The following SCARA5 variants were observed in gnomAD, a reference collection of about 807,000 sequenced individuals.
The protein encoded by SCARA5 is scavenger receptor class A member 5, also known as scavenger receptor class A, member 5 (putative).
Under a neutral mutation model 46.3 loss-of-function variants are expected in SCARA5, and 45 were observed. The ratio of observed to expected loss-of-function variants is 0.97; its 90% CI spans 0.76 to 1.24. The LOEUF is 1.24. SCARA5 is among the 50% of genes most tolerant of loss of function. The probability of loss-of-function intolerance (pLI) is 0.00; values close to 1 mark genes in which losing one functional copy is unlikely to be tolerated. For synonymous variants in SCARA5, 333 were observed against 306.5 expected (o/e 1.09, Z -0.90); for missense variants, 680 against 689.0 (o/e 0.99, Z 0.15).
chr8:27,949,643 G>C (rs939713), intron 3 of SCARA5, among the ~76,000 whole-genome samples: 146,199 of 152,250 alleles, frequency 0.96, 70,343 homozygotes, highest in East Asian at 1. Context: ...AGCAGTGCCT[G>C]ACTCACCTCC....
intron 3 of SCARA5, among the ~76,000 whole-genome samples, chr8:27,930,471 C>T (rs1807752382): frequency 2.0e-5 from 3 of 151,760 alleles, no homozygotes; most frequent in Admixed American, 6.6e-5. Context: ...GGCGCGATCT[C>T]GGCTCACAGC....
At chr8:27,895,219 A>G (rs184781863) in intron 7 of SCARA5, among the ~76,000 whole-genome samples, 10 of 152,284 alleles carry the variant, frequency 6.6e-5, no homozygotes, top group Admixed American at 1.3e-4. Flanking sequence ...AGCCCTAGGG[A>G]TAATTCGGAC....
chr8:27,989,780 C>T (rs748590342), intron 1 of SCARA5, among the ~76,000 whole-genome samples: 2 of 152,194 alleles, frequency 1.3e-5, no homozygotes, highest in East Asian at 1.9e-4. Flanking sequence ...CTCCCAATTC[C>T]GGCCCTCCAC....
rs1260734463 is a variant in SCARA5 at position 27,870,732 on chromosome 8, C to A, written c.*1202G>T. On this transcript the variant is annotated 3_prime_UTR_variant, in exon 9 of 9. Transcript: ENST00000354914. ...ATTGCAGATTTATGGAGGCCCAAGG[C>A]CCCTTATTCCTACTCCCCACCCCCA... 6.6e-6 allele frequency: 1 copy of A among 152,190 alleles called. No individual in the cohort carries two copies. The highest frequency in any genetic ancestry group is 6.5e-5 in the Admixed American group (1 of 15,282). 9.4% of individuals were successfully genotyped at this position (152,190 alleles called of 1,614,324 possible).
intron 7 of SCARA5, among the ~76,000 whole-genome samples, chr8:27,892,900 C>A (rs938148561): frequency 6.6e-6 from 1 of 152,220 alleles, no homozygotes; most frequent in Admixed American, 6.5e-5. Flanking sequence ...GCCACCGCAC[C>A]CAGCCTCTCA....
At chr8:27,908,420 C>T (rs1051541171) in intron 5 of SCARA5, among the ~76,000 whole-genome samples, 5 of 152,206 alleles carry the variant, frequency 3.3e-5, no homozygotes, top group Admixed American at 2.0e-4. Flanking sequence ...GAGGCCTGGC[C>T]TAAGCGTGTA....
rs180782654 is a variant in SCARA5, at chr8:27,941,121, T to C, written c.242-18876A>G. ...AGTTAAAAAAAAAACCCACAATACG[T>C]CTTATATTTACCATGTTTCAAAAGC... On this transcript the variant is annotated intron_variant, in intron 3 of 8. Transcript: ENST00000354914. Among the ~76,000 whole-genome samples, 489 of 152,224 alleles carry C rather than the reference T, an allele frequency of 3.2e-3. 3 individuals carry two copies. The highest frequency in any genetic ancestry group is 0.011 in the African/African-American group (447 of 41,530).
chr8:27,890,912 G>A (rs1806970267), intron 7 of SCARA5, among the ~76,000 whole-genome samples: 1 of 152,236 alleles, frequency 6.6e-6, no homozygotes, highest in African/African-American at 2.4e-5. Flanking sequence ...GGCAGTTCCA[G>A]GTTGTCCCGG....
At chr8:27,984,004 C>T (rs913162331) in intron 2 of SCARA5, among the ~76,000 whole-genome samples, 9 of 152,148 alleles carry the variant, frequency 5.9e-5, no homozygotes, top group African/African-American at 1.2e-4. Flanking sequence ...CACACTTCAC[C>T]GTCTTCATTT....
chr8:27,919,552 C>G (rs1025859666), intron 4 of SCARA5, among the ~76,000 whole-genome samples: 2 of 152,084 alleles, frequency 1.3e-5, no homozygotes, highest in African/African-American at 2.4e-5. Context: ...CTGCCATAAC[C>G]CTTAACACTC....
intron 3 of SCARA5, among the ~76,000 whole-genome samples, chr8:27,952,055 G>GTGGTCCTAA (rs6150520): frequency 2.0e-5 from 3 of 152,012 alleles, no homozygotes; most frequent in Non-Finnish European, 4.4e-5. Flanking sequence ...TTGGGTTGGG[G>GTGGTCCTAA]ACCAATATGA....
intron 3 of SCARA5, among the ~76,000 whole-genome samples, chr8:27,944,857 G>C (rs1372826011): frequency 6.6e-6 from 1 of 152,032 alleles, no homozygotes; most frequent in Non-Finnish European, 1.5e-5. Context: ...GACAGAGCGA[G>C]AGCCTGTCTC....
At chr8:27,982,979 G>A (rs1004087238) in intron 2 of SCARA5, among the ~76,000 whole-genome samples, 1 of 152,144 alleles carries the variant, frequency 6.6e-6, no homozygotes, top group Non-Finnish European at 1.5e-5. Flanking sequence ...TGCTAGAGGA[G>A]GGTCCCTTCC....
At chr8:27,915,588 G>A (rs2685330) in intron 4 of SCARA5, among the ~76,000 whole-genome samples, 78,357 of 152,074 alleles carry the variant, frequency 0.52, 20,787 homozygotes, top group Non-Finnish European at 0.58. Context: ...ACTCTGTGAC[G>A]TCATCCCTTT....
At chr8:27,976,070 G>A (rs1323141113) in intron 2 of SCARA5, among the ~76,000 whole-genome samples, 2 of 152,126 alleles carry the variant, frequency 1.3e-5, no homozygotes, top group Non-Finnish European at 2.9e-5. Flanking sequence ...AAGGGTGTGT[G>A]TGCTTGTTTT....
At chr8:27,880,133 G>T (rs935620135) in intron 7 of SCARA5, among the ~76,000 whole-genome samples, 2 of 133,664 alleles carry the variant, frequency 1.5e-5, no homozygotes, top group Non-Finnish European at 3.2e-5. Context: ...GGGATAGTTG[G>T]CTAGCCGTAT....
At chr8:27,969,761 G>T (rs772451729) in intron 2 of SCARA5, among the ~76,000 whole-genome samples, 1 of 152,120 alleles carries the variant, frequency 6.6e-6, no homozygotes, top group Non-Finnish European at 1.5e-5. Flanking sequence ...GGTGGCAGGC[G>T]GGGTATATGG....
chr8:27,879,484 G>A (rs546235103), intron 8 of SCARA5, 85 bp downstream of exon 8: 2 of 1,354,002 alleles, frequency 1.5e-6, no homozygotes, highest in Admixed American at 1.7e-5. Context: ...GAATTGCAGT[G>A]GAAGGGACTC....
At chr8:27,956,222 G>A (rs1193048423) in intron 3 of SCARA5, among the ~76,000 whole-genome samples, 2 of 152,140 alleles carry the variant, frequency 1.3e-5, no homozygotes, top group Non-Finnish European at 2.9e-5. Flanking sequence ...GATGCTATTT[G>A]CACTAGAAGC....
Sources: gnomAD v4.1 joint callset for allele counts (sites outside exome capture counted in the v4.1 genomes callset) on GRCh38, gnomAD v4.1.1 for gene constraint, MANE v1.5 for transcripts, NCBI Gene and HGNC (gene_info 2026-07-23, HGNC 2026-07-21) for gene names.